Variants in CABLES2 observed in about 807,000 individuals in gnomAD.
CABLES2 encodes CDK5 and ABL1 enzyme substrate 2.
A neutral mutation model predicts 44.8 loss-of-function variants in CABLES2; 35 were observed. The ratio of observed to expected loss-of-function variants is 0.78; its 90% CI spans 0.60 to 1.04. CABLES2 has a LOEUF of 1.04. CABLES2 is among the 50% of genes least tolerant of loss of function. The probability of loss-of-function intolerance (pLI) is 0.00; values close to 1 mark genes in which losing one functional copy is unlikely to be tolerated. For synonymous variants in CABLES2, 282 were observed against 281.1 expected (o/e 1.00, Z -0.03); for missense variants, 566 against 615.7 (o/e 0.92, Z 0.85).
chr20:62,407,000 G>C lies in CABLES2; in HGVS notation c.277C>G (p.Leu93Val), dbSNP rs1988306728. ...APPPPEPPTG[L>V]PARTPAPQGL... ...TGGGGCGCGGGGGTCCTGGCGGGCAGCCCGGTGGGGGGCTCCGGCGGCGGC... is the reference window on the plus strand; with the variant it reads ...TGGGGCGCGGGGGTCCTGGCGGGCACCCCGGTGGGGGGCTCCGGCGGCGGC... Residue 93 changes from leucine (L) to valine (V), a missense_variant, in exon 1 of 10, where the codon CTG (leucine) becomes GTG (valine). By Grantham distance (32) the Leu-to-Val change is conservative. Transcript: ENST00000279101. 3 of 1,189,148 alleles carry C rather than the reference G, an allele frequency of 2.5e-6. No homozygotes were observed. Among genetic ancestry groups the C allele is most frequent in the Non-Finnish European group, 3.1e-6 (3 of 960,398 alleles). The allele number at this position is 1,189,148 out of a possible 1,614,324, so 73.7% of individuals were successfully genotyped here.
In CABLES2 at chr20:62,398,109, G is replaced by GTGGTGGTGGTGGTGGTGGTGGTGA. The variant is rs1569017623; in HGVS notation, c.363-1518_363-1517insTCACCACCACCACCACCACCACCA. Among the ~76,000 whole-genome samples the GTGGTGGTGGTGGTGGTGGTGGTGA allele has an allele frequency of 2.1e-4, 22 of 104,882 alleles. 1 individual carries two copies. Among genetic ancestry groups the GTGGTGGTGGTGGTGGTGGTGGTGA allele is most frequent in the East Asian group, 4.6e-4 (1 of 2,192 alleles). 68.8% of individuals were successfully genotyped at this position (104,882 alleles called of 152,430 possible). ...GGTGACGGTGGTGGTGGTGGTGATG[G>GTGGTGGTGGTGGTGGTGGTGGTGA]TGGTGGTGGTGGTGGTTATGACGGT... On this transcript the variant is annotated intron_variant, in intron 1 of 9. Transcript: ENST00000279101.
intron 1 of CABLES2, among the ~76,000 whole-genome samples, chr20:62,398,109 G>GTGGTGGTGGTGA (rs1988091330): frequency 7.6e-5 from 8 of 104,908 alleles, no homozygotes; most frequent in East Asian, 4.6e-4. Context: ...GGTGGTGATG[G>GTGGTGGTGGTGA]TGGTGGTGGT....
chr20:62,393,552 CTT>C lies in CABLES2; in HGVS notation c.766_767del (p.Lys256GlufsTer2). On this transcript the variant is annotated frameshift_variant, in exon 6 of 10. Transcript: ENST00000279101. LOFTEE classifies it high-confidence loss of function. Reference sequence around the variant, plus strand: ...TGGGCAGCAGGCCATGGCTGTCACTCTTGTGTGTGACCAGGGCGTTGGTGGGA... The same window carrying C: ...TGGGCAGCAGGCCATGGCTGTCACTCGTGTGTGACCAGGGCGTTGGTGGGA... ...LYPTNALVTHKSDSHGLLPTP... is the reference protein window; with the variant it reads ...LYPTNALVTHXSDSHGLLPTP... The C allele has an allele frequency of 6.2e-7, 1 of 1,612,332 alleles. No homozygotes were observed. The highest frequency in any genetic ancestry group is 8.5e-7 in the Non-Finnish European group (1 of 1,179,074).
chr20:62,400,300 G>A (rs1988164604), intron 1 of CABLES2, among the ~76,000 whole-genome samples: 2 of 152,152 alleles, frequency 1.3e-5, no homozygotes, highest in African/African-American at 4.8e-5. Flanking sequence ...AAGGGGCTGG[G>A]GTAGGCAGCA....
chr20:62,398,160 GTGATGGTGGTAA>G (rs1988100865), intron 1 of CABLES2, among the ~76,000 whole-genome samples: 1 of 105,326 alleles, frequency 9.5e-6, no homozygotes, highest in East Asian at 2.7e-4. Context: ...GGTGGTGACG[GTGATGGTGGTAA>G]TGGTGGTGGT....
At position 62,397,986 on chromosome 20, in the gene CABLES2, G is replaced by GTGGTGGTGA. The variant is rs146573821; in HGVS notation, c.363-1403_363-1395dup. On this transcript the variant is annotated intron_variant, in intron 1 of 9. Coordinates refer to ENST00000279101, the MANE Select transcript of CABLES2 (RefSeq NM_031215.3). The stretch of plus-strand genomic sequence containing the variant: ...GATGGTGGTGACAGTGGTGATGGCG[G>GTGGTGGTGA]TGGTGGTGATGATGGTGATGGTTAT... Among the ~76,000 whole-genome samples, 5 of 87,400 alleles carry GTGGTGGTGA rather than the reference G, an allele frequency of 5.7e-5. No individual in the cohort carries two copies. In the East Asian group the frequency reaches 6.5e-4, roughly 11 times the overall value. The allele number at this position is 87,400 out of a possible 152,430, so 57.3% of individuals were successfully genotyped here.
At chr20:62,397,923 ATGGTGGTGG>A (rs942819884) in intron 1 of CABLES2, among the ~76,000 whole-genome samples, 9 of 85,822 alleles carry the variant, frequency 1.0e-4, no homozygotes, top group Middle Eastern at 0.014. Context: ...GGCAGTGGTG[ATGGTGGTGG>A]TGGTGATGGT....
intron 4 of CABLES2, among the ~76,000 whole-genome samples, chr20:62,394,565 ACT>A (rs747660282): frequency 2.3e-4 from 35 of 152,010 alleles, no homozygotes; most frequent in Non-Finnish European, 4.0e-4. Flanking sequence ...TTTCTCCACC[ACT>A]GTTTTTAAGC....
chr20:62,390,947 CCT>C lies in CABLES2; in HGVS notation c.*22_*23del, dbSNP rs1987903857. 9.3e-6 allele frequency: 15 copies of C among 1,613,048 alleles called. No individual in the cohort carries two copies. The highest frequency in any genetic ancestry group is 1.3e-5 in the Non-Finnish European group (15 of 1,179,354). ...CAGGCCGGCAAGTGCACCTCGGTGC[CCT>C]GAGCCTTCTGTGGGGCCTCTGCTAG... On this transcript the variant is annotated 3_prime_UTR_variant, in exon 10 of 10. Coordinates refer to ENST00000279101, the MANE Select transcript of CABLES2 (RefSeq NM_031215.3).
At chr20:62,394,341 T>C in intron 4 of CABLES2, 76 bp from the exon 5 acceptor site, 1 of 1,144,980 alleles carries the variant, frequency 8.7e-7, no homozygotes, top group Non-Finnish European at 1.3e-6. Flanking sequence ...ACCTGTCCGC[T>C]GGCCCGAGGT....
At chr20:62,405,410 C>T (rs1314763197) in intron 1 of CABLES2, 7 of 152,306 alleles carry the variant, frequency 4.6e-5, no homozygotes, top group Admixed American at 3.9e-4. Flanking sequence ...CATCCCTCTG[C>T]CCCAATCATC....
chr20:62,394,121 A>G (rs1488563563), intron 5 of CABLES2, 36 bp downstream of exon 5: 3 of 1,550,584 alleles, frequency 1.9e-6, no homozygotes, highest in Non-Finnish European at 2.7e-6. Flanking sequence ...CCTGGCCCTG[A>G]CGGCGCTGGG....
rs199509900 is a variant in CABLES2 at position 62,396,588 on chromosome 20, G to A, written c.367C>T (p.Arg123Ter). 28 of 1,611,152 alleles carry A rather than the reference G, an allele frequency of 1.7e-5. No homozygotes were observed. In the African/African-American group the frequency reaches 1.9e-4, roughly 11 times the overall value. ...AGGGAGCAGCGCTGGGACGTGACTC[G>A]CTTCCTGCAAGATGACAATGGAGCC... ...LGLDGQRQRK[R>*]VTSQRCSLEF... The change falls in exon 2 of 10, where the codon CGA becomes TGA. Residue 123 changes from arginine to a stop codon, truncating the protein, a stop_gained. Transcript: ENST00000279101. LOFTEE classifies it high-confidence loss of function. The surrounding 1 kb of genome is among the most constrained non-coding windows in gnomAD (Gnocchi z 5.7).
At chr20:62,398,075 G>GAT (rs1988081722) in intron 1 of CABLES2, among the ~76,000 whole-genome samples, 1 of 38,852 alleles carries the variant, frequency 2.6e-5, no homozygotes, top group South Asian at 1.1e-3. Context: ...TGGTGACGGT[G>GAT]GTGGTGGTGG....
intron 6 of CABLES2, 131 bp downstream of exon 6, chr20:62,393,309 G>T: frequency 9.4e-7 from 1 of 1,062,770 alleles, no homozygotes; most frequent in Non-Finnish European, 1.4e-6. Context: ...TCCTGACCCT[G>T]TTCCCCAGGC....
intron 1 of CABLES2, among the ~76,000 whole-genome samples, chr20:62,397,376 C>T (rs1399266774): frequency 5.9e-5 from 9 of 152,332 alleles, no homozygotes; most frequent in African/African-American, 1.7e-4. Flanking sequence ...TCCCCACTCA[C>T]TGCTGTCCTT....
At chr20:62,392,020 G>T (rs1987927852) in intron 8 of CABLES2, among the ~76,000 whole-genome samples, 1 of 152,138 alleles carries the variant, frequency 6.6e-6, no homozygotes, top group African/African-American at 2.4e-5. Context: ...CCTGGATGGG[G>T]GCGCTTTGTG....
Position 62,388,788 on chromosome 20 carries a change from GTA to G in CABLES2, c.*2181_*2182del, listed in dbSNP as rs1426067418. 1 of 429,828 alleles carries G rather than the reference GTA, an allele frequency of 2.3e-6. No individual in the cohort carries two copies. Among genetic ancestry groups the G allele is most frequent in the Non-Finnish European group, 4.2e-6 (1 of 237,098 alleles). The allele number at this position is 429,828 out of a possible 1,614,324, so 26.6% of individuals were successfully genotyped here. A position where few individuals can be genotyped will look rare whatever the true frequency, so the allele number is the denominator to read the frequency against. On this transcript the variant is annotated 3_prime_UTR_variant, in exon 10 of 10. Coordinates refer to ENST00000279101, the MANE Select transcript of CABLES2 (RefSeq NM_031215.3). ...CGGAAGCAACGCCAGGCCTGGTTCTGTATAGTCACAGCCGAGCTGAACACCTT... is the reference window on the plus strand; with the variant it reads ...CGGAAGCAACGCCAGGCCTGGTTCTGTAGTCACAGCCGAGCTGAACACCTT...
At chr20:62,399,508 A>C (rs573945635) in intron 1 of CABLES2, among the ~76,000 whole-genome samples, 162 of 150,442 alleles carry the variant, frequency 1.1e-3, no homozygotes, top group Non-Finnish European at 1.9e-3. Flanking sequence ...CGGCCTCCCA[A>C]AGTGCTGGGA....
Sources: gnomAD v4.1 joint callset for allele counts (sites outside exome capture counted in the v4.1 genomes callset) on GRCh38, gnomAD v4.1.1 for gene constraint, Gnocchi (gnomAD v3.1) non-coding constraint, MANE v1.5 for transcripts, NCBI Gene and HGNC (gene_info 2026-07-23, HGNC 2026-07-21) for gene names.